MUC5AC: variants seen among roughly 807,000 people sequenced by gnomAD.
MUC5AC encodes the protein mucin-5AC.
Under a neutral mutation model 169.7 loss-of-function variants are expected in MUC5AC, and 158 were observed. That is an observed-to-expected ratio of 0.93 (90% CI 0.82 to 1.06). The LOEUF is 1.06. MUC5AC is among the 50% of genes least tolerant of loss of function. MUC5AC has a pLI of 0.00. For synonymous variants in MUC5AC, 1,975 were observed against 1,237.0 expected, an observed-to-expected ratio of 1.60 and a Z score of -12.52; for missense variants, 4,359 against 3,089.9, an observed-to-expected ratio of 1.41 and a Z score of -9.74.
At position 1,167,860 on chromosome 11, in the gene MUC5AC, T is replaced by C; in HGVS notation, c.1387-17T>C. On this transcript the variant is annotated splice_polypyrimidine_tract_variant and intron_variant, in intron 11 of 48. Coordinates refer to ENST00000621226, the MANE Select transcript of MUC5AC (RefSeq NM_001304359.2). ...TTGGATGGAGTGTGAGGACCCCTGG[T>C]GTGTCGTGTTCCGCAGCCCTGTGAC... is the stretch of plus-strand genomic sequence containing the variant. 1 of 1,546,892 alleles carries C rather than the reference T, an allele frequency of 6.5e-7. No individual in the cohort carries two copies. The highest frequency in any genetic ancestry group is 8.7e-7 in the Non-Finnish European group (1 of 1,144,358).
chr11:1,172,371 G>T (rs1268357663), intron 15 of MUC5AC, 58 bp from the exon 16 acceptor site: 7 of 398,558 alleles, frequency 1.8e-5, no homozygotes, highest in Admixed American at 1.3e-4. Context: ...GGCCAAGCTG[G>T]GTGGGATGAG....
chr11:1,196,797 C>T (rs550878514), intron 39 of MUC5AC, 77 bp downstream of exon 39: 7 of 736,598 alleles, frequency 9.5e-6, no homozygotes, highest in East Asian at 5.1e-5. Context: ...GGGGTCTACC[C>T]TGGCCCCAAT....
chr11:1,159,588 C>G (rs1258361821), intron 1 of MUC5AC, among the ~76,000 whole-genome samples: 2 of 30,016 alleles, frequency 6.7e-5, no homozygotes, highest in South Asian at 1.4e-3. Context: ...CGGGGCTGTG[C>G]GGGGCTGTGC....
intron 12 of MUC5AC, among the ~76,000 whole-genome samples, 155 bp downstream of exon 12, chr11:1,168,142 G>A (rs28464760): frequency 3.9e-5 from 6 of 152,018 alleles, no homozygotes; most frequent in East Asian, 1.9e-4. Flanking sequence ...ATGGGTCCAC[G>A]TGACTGTCCC....
At chr11:1,175,915 C>A (rs1375505908) in intron 19 of MUC5AC, among the ~76,000 whole-genome samples, 2 of 142,216 alleles carry the variant, frequency 1.4e-5, no homozygotes, top group East Asian at 2.0e-4. Flanking sequence ...GCACACACAC[C>A]CACTCATGCA....
chr11:1,165,787 G>A (rs768845020), intron 11 of MUC5AC, 27 bp downstream of exon 11: 2 of 1,609,736 alleles, frequency 1.2e-6, no homozygotes, highest in African/African-American at 1.3e-5. Flanking sequence ...TGGGGTGCTC[G>A]CCGGACAGAG....
chr11:1,179,324 G>A lies in MUC5AC; in HGVS notation c.3484+76G>A, dbSNP rs1434511290. On this transcript the variant is annotated intron_variant, in intron 26 of 48. Transcript: ENST00000621226. The stretch of plus-strand genomic sequence containing the variant: ...GCCCCACCACACTCGCCGCTGATGC[G>A]TGGGGTGTGTGGGGCGGGTGGGGAA... The A allele has an allele frequency of 7.5e-5, 26 of 345,032 alleles. No individual in the cohort carries two copies. In the African/African-American group the frequency reaches 2.3e-3, roughly 30 times the overall value. The allele number at this position is 345,032 out of a possible 1,614,324, so 21.4% of individuals were successfully genotyped here.
chr11:1,162,381 T>C, intron 4 of MUC5AC, 151 bp from the exon 5 acceptor site: 1 of 1,018,778 alleles, frequency 9.8e-7, no homozygotes, highest in Non-Finnish European at 1.4e-6. Flanking sequence ...TAGCTCCTCG[T>C]GACCCCCGAG....
Position 1,168,790 on chromosome 11 carries a change from T to G in MUC5AC, c.1705+11T>G, listed in dbSNP as rs942800440. The G allele has an allele frequency of 6.3e-7, 1 of 1,591,452 alleles. No individual in the cohort carries two copies. The highest frequency in any genetic ancestry group is 8.6e-7 in the Non-Finnish European group (1 of 1,164,778). On this transcript the variant is annotated intron_variant, in intron 14 of 48. Transcript: ENST00000621226. ...GTGGGCAGACCTGCGGTAAGAGGGC[T>G]GCCTTCTGGGCTTGGAGCCCACCCA... is the stretch of plus-strand genomic sequence containing the variant.
At chr11:1,160,465 A>G (rs1337524841) in intron 1 of MUC5AC, 147 bp from the exon 2 acceptor site, 6 of 660,098 alleles carry the variant, frequency 9.1e-6, no homozygotes, top group South Asian at 1.7e-5. Context: ...GACCCCCCCA[A>G]CCCAGCACAG....
At position 1,185,048 on chromosome 11, in the gene MUC5AC, C is replaced by G. The variant is rs1860900121; in HGVS notation, c.6903C>G (p.Thr2301=). Reference sequence around the variant, plus strand: ...CCTCTGCCTCTCCAGCCAGCACAACCTCTGGTCCTGGAAATACTCCCAGCC... The same window carrying G: ...CCTCTGCCTCTCCAGCCAGCACAACGTCTGGTCCTGGAAATACTCCCAGCC... The part of the protein sequence containing the change: ...RTTSASPAST[T]SGPGNTPSPV... Residue 2301 remains threonine (T), a synonymous_variant, in exon 31 of 49, where the codon ACC becomes ACG. Transcript: ENST00000621226. The G allele has an allele frequency of 8.5e-6, 6 of 703,604 alleles. No individual in the cohort carries two copies. Among genetic ancestry groups the G allele is most frequent in the African/African-American group, 1.8e-5 (1 of 56,826 alleles). The allele number at this position is 703,604 out of a possible 1,614,324, so 43.6% of individuals were successfully genotyped here. A position where few individuals can be genotyped will look rare whatever the true frequency, so the allele number is the denominator to read the frequency against.
intron 3 of MUC5AC, 47 bp from the exon 4 acceptor site, chr11:1,161,860 C>T (rs537590885): frequency 3.2e-5 from 50 of 1,579,676 alleles, no homozygotes; most frequent in African/African-American, 2.6e-4. Flanking sequence ...GGGTGCAGGG[C>T]GAGGATGAGG....
chr11:1,189,216 G>A lies in MUC5AC; in HGVS notation c.11071G>A (p.Ala3691Thr). The change falls in exon 31 of 49, where the codon GCC becomes ACC. Residue 3691 changes from alanine to threonine, a missense_variant. Ala to Thr is a moderately conservative substitution (Grantham distance 58, BLOSUM62 0). Transcript: ENST00000621226. ...TGCTTCTATACCCAGCACAACCTCT[G>A]CCCCAACAACCAGCACAACCTCTGC... is the stretch of plus-strand genomic sequence containing the variant. ...TPASIPSTTS[A>T]PTTSTTSAPT... 2 of 590,134 alleles carry A rather than the reference G, an allele frequency of 3.4e-6. No individual in the cohort carries two copies. The highest frequency in any genetic ancestry group is 2.6e-4 in the Middle Eastern group (1 of 3,864). 36.6% of individuals were successfully genotyped at this position (590,134 alleles called of 1,614,324 possible).
intron 19 of MUC5AC, among the ~76,000 whole-genome samples, chr11:1,175,553 ACACT>A (rs1392463470): frequency 9.3e-5 from 13 of 139,460 alleles, no homozygotes; most frequent in Non-Finnish European, 1.7e-4. Flanking sequence ...ATTCATGCAC[ACACT>A]CACACTCATG....
chr11:1,165,951 T>A (rs1860312582), intron 11 of MUC5AC, among the ~76,000 whole-genome samples, 191 bp downstream of exon 11: 1 of 152,116 alleles, frequency 6.6e-6, no homozygotes. Context: ...AGGCTGCAGA[T>A]CAGAGCCTCC....
intron 15 of MUC5AC, among the ~76,000 whole-genome samples, 200 bp from the exon 16 acceptor site, chr11:1,172,229 A>T (rs1860566759): frequency 6.6e-6 from 1 of 152,130 alleles, no homozygotes; most frequent in African/African-American, 2.4e-5. Context: ...TCGGTTCTGG[A>T]TGTTGTACCC....
At position 1,178,668 on chromosome 11, in the gene MUC5AC, C is replaced by T. The variant is rs895882503; in HGVS notation, c.3312C>T (p.Ala1104=). The change falls in exon 25 of 49, where the codon GCC becomes GCT. Residue 1104 remains alanine, a synonymous_variant. Transcript: ENST00000621226. ...QCSILHGPTF[A]ACHAHVEPAR... ...GCATCCTCCACGGCCCCACCTTCGC[C>T]GCCTGCCACGCACACGTATGCTGGC... 139 of 1,315,368 alleles carry T rather than the reference C, an allele frequency of 1.1e-4. No homozygotes were observed. Among genetic ancestry groups the T allele is most frequent in the African/African-American group, 3.2e-4 (21 of 66,230 alleles). The allele number at this position is 1,315,368 out of a possible 1,614,324, so 81.5% of individuals were successfully genotyped here.
chr11:1,170,966 C>CA (rs1860498888), intron 15 of MUC5AC, among the ~76,000 whole-genome samples: 1 of 4,026 alleles, frequency 2.5e-4, no homozygotes, highest in Non-Finnish European at 5.5e-4. Flanking sequence ...CACTCACCCA[C>CA]TCACCCATTC....
Position 1,184,483 on chromosome 11 carries a change from C to A in MUC5AC, c.6338C>A (p.Thr2113Asn). The A allele has an allele frequency of 1.5e-6, 1 of 646,598 alleles. No homozygotes were observed. The highest frequency in any genetic ancestry group is 1.8e-5 in the South Asian group (1 of 54,306). 40.1% of individuals were successfully genotyped at this position (646,598 alleles called of 1,614,324 possible). ...CAGGGCACCCACACCACACCAGTCACCAGAAACTGTCATCCCCGGTGCACC... is the reference window on the plus strand; with the variant it reads ...CAGGGCACCCACACCACACCAGTCAACAGAAACTGTCATCCCCGGTGCACC... ...VTQGTHTTPV[T>N]RNCHPRCTWT... Residue 2113 changes from threonine (T) to asparagine (N), a missense_variant, in exon 31 of 49, where the codon ACC becomes AAC. Physicochemically the swap from Thr to Asn is moderately conservative, Grantham distance 65. Coordinates refer to ENST00000621226, the MANE Select transcript of MUC5AC (RefSeq NM_001304359.2).
Sources: allele counts gnomAD v4.1 joint callset (sites outside exome capture counted in the v4.1 genomes callset), GRCh38; gene constraint gnomAD v4.1.1; transcripts MANE v1.5; gene names NCBI Gene and HGNC (gene_info 2026-07-23, HGNC 2026-07-21).